Variants in SEMA5A observed in about 807,000 individuals in gnomAD.
The protein encoded by SEMA5A is semaphorin-5A.
Under a neutral mutation model 135.5 loss-of-function variants are expected in SEMA5A, and 55 were observed. The ratio of observed to expected loss-of-function variants is 0.41; its 90% CI spans 0.33 to 0.51. The LOEUF (loss-of-function observed/expected upper bound fraction) is 0.51. SEMA5A is among the 20% of genes least tolerant of loss of function. The pLI is 0.37. For synonymous variants in SEMA5A, 580 were observed against 546.5 expected, an observed-to-expected ratio of 1.06 and a Z score of -0.85; for missense variants, 1,290 against 1,419.9, an observed-to-expected ratio of 0.91 and a Z score of 1.47.
intron 5 of SEMA5A, among the ~76,000 whole-genome samples, chr5:9,276,341 T>C (rs1022212666): frequency 6.6e-6 from 1 of 152,164 alleles, no homozygotes; most frequent in Non-Finnish European, 1.5e-5. Flanking sequence ...CATTCCATGC[T>C]CATGGATAGG....
intron 5 of SEMA5A, among the ~76,000 whole-genome samples, chr5:9,248,812 C>T (rs895489742): frequency 6.6e-6 from 1 of 152,094 alleles, no homozygotes; most frequent in Admixed American, 6.6e-5. Context: ...AAATTATTTC[C>T]CCCAAACTTC....
At chr5:9,460,809 T>C (rs1299122132) in intron 1 of SEMA5A, among the ~76,000 whole-genome samples, 1 of 152,238 alleles carries the variant, frequency 6.6e-6, no homozygotes, top group African/African-American at 2.4e-5. Context: ...ATTAAAGCCA[T>C]GTATTCCCTT....
rs1742839227 is a variant in SEMA5A, at chr5:9,154,473, C to A, written c.1481+15G>T. The A allele has an allele frequency of 6.2e-7, 1 of 1,611,258 alleles. No individual in the cohort carries two copies. Among genetic ancestry groups the A allele is most frequent in the Non-Finnish European group, 8.5e-7 (1 of 1,179,392 alleles). On this transcript the variant is annotated intron_variant, in intron 12 of 22. Transcript: ENST00000382496. Reference sequence around the variant, plus strand: ...ACACACACACCAGTGCATCCTGACCCCGGAGATGCCCTACCTGCGTGTGCG... The same window carrying A: ...ACACACACACCAGTGCATCCTGACCACGGAGATGCCCTACCTGCGTGTGCG...
At chr5:9,166,337 A>G (rs1382820583) in intron 11 of SEMA5A, among the ~76,000 whole-genome samples, 4 of 152,002 alleles carry the variant, frequency 2.6e-5, no homozygotes, top group Non-Finnish European at 4.4e-5. Flanking sequence ...CCAGGCTCCC[A>G]CAATCACAGG....
At chr5:9,327,487 T>C (rs1192243186) in intron 4 of SEMA5A, among the ~76,000 whole-genome samples, 1 of 152,144 alleles carries the variant, frequency 6.6e-6, no homozygotes, top group Non-Finnish European at 1.5e-5. Context: ...AAGAACACAC[T>C]AAAACTGAGA....
chr5:9,044,331 A>G, intron 22 of SEMA5A, 42 bp downstream of exon 22: 1 of 1,536,086 alleles, frequency 6.5e-7, no homozygotes, highest in South Asian at 1.1e-5. Context: ...ACAAGTGTTA[A>G]GGAAAACCAG....
chr5:9,359,244 T>C (rs1179072476), intron 3 of SEMA5A, among the ~76,000 whole-genome samples: 1 of 152,196 alleles, frequency 6.6e-6, no homozygotes, highest in Admixed American at 6.5e-5. Context: ...ATAAGCACCA[T>C]GGGTTCATGG....
chr5:9,081,039 TGAA>T (rs1402778791), intron 16 of SEMA5A, among the ~76,000 whole-genome samples: 1 of 152,192 alleles, frequency 6.6e-6, no homozygotes, highest in African/African-American at 2.4e-5. Context: ...TTGCTGGCTT[TGAA>T]GAAGGAAGTT....
At chr5:9,256,472 T>C (rs1346745043) in intron 5 of SEMA5A, among the ~76,000 whole-genome samples, 1 of 152,172 alleles carries the variant, frequency 6.6e-6, no homozygotes. Flanking sequence ...CTCCTCAATA[T>C]TCAGATATTG....
intron 5 of SEMA5A, among the ~76,000 whole-genome samples, chr5:9,288,960 T>C (rs1339429505): frequency 6.6e-6 from 1 of 152,240 alleles, no homozygotes; most frequent in Non-Finnish European, 1.5e-5. Flanking sequence ...TTAAATTAAA[T>C]GCTTCTTTTG....
At chr5:9,322,890 T>C (rs553320215) in intron 4 of SEMA5A, among the ~76,000 whole-genome samples, 1 of 152,290 alleles carries the variant, frequency 6.6e-6, no homozygotes, top group South Asian at 2.1e-4. Context: ...ATTTCATAAC[T>C]TCACTGGTCA....
intron 1 of SEMA5A, among the ~76,000 whole-genome samples, chr5:9,486,432 A>G (rs1734729574): frequency 6.6e-6 from 1 of 152,212 alleles, no homozygotes; most frequent in Admixed American, 6.5e-5. Context: ...CCTGGAACCT[A>G]AAGTAAAATC....
chr5:9,220,463 CA>C (rs1032827973), intron 8 of SEMA5A, among the ~76,000 whole-genome samples: 7 of 147,082 alleles, frequency 4.8e-5, no homozygotes, highest in Non-Finnish European at 1.1e-4. Context: ...TAAGAAAAAA[CA>C]ACAAAAAAAC....
intron 12 of SEMA5A, among the ~76,000 whole-genome samples, chr5:9,137,616 C>T (rs967527784): frequency 6.6e-6 from 1 of 152,112 alleles, no homozygotes; most frequent in East Asian, 1.9e-4. Flanking sequence ...GAGACAATGC[C>T]AGCATGGAGG....
chr5:9,510,817 G>A (rs56326936), intron 1 of SEMA5A, among the ~76,000 whole-genome samples: 8,928 of 152,200 alleles, frequency 0.059, 352 homozygotes, highest in South Asian at 0.094. Flanking sequence ...TCTCAATAGA[G>A]AAATGTTTTA....
Position 9,352,095 on chromosome 5 carries a change from G to GGGGGC in SEMA5A, c.125-14284_125-14283insGCCCC, listed in dbSNP as rs1554023414. ...CAAATTCTAATGAATGTAACAGGTC[G>GGGGGC]GGGGGGTTACTTAAGAGTAGGGTAT... On this transcript the variant is annotated intron_variant, in intron 3 of 22. Transcript: ENST00000382496. 2.9e-4 allele frequency among the ~76,000 whole-genome samples: 3 copies of GGGGGC among 10,244 alleles called. 1 individual carries two copies. In the Non-Finnish European group the frequency reaches 5.5e-3, roughly 19 times the overall value. The allele number at this position is 10,244 out of a possible 152,430, so 6.7% of individuals were successfully genotyped here.
intron 12 of SEMA5A, among the ~76,000 whole-genome samples, chr5:9,140,131 G>T (rs1741984759): frequency 6.6e-6 from 1 of 152,188 alleles, no homozygotes; most frequent in African/African-American, 2.4e-5. Flanking sequence ...ATAACAGAGA[G>T]TGTGAGCATA....
chr5:9,405,692 A>C (rs1162298602), intron 2 of SEMA5A, among the ~76,000 whole-genome samples: 2 of 152,234 alleles, frequency 1.3e-5, no homozygotes, highest in Non-Finnish European at 2.9e-5. Flanking sequence ...GGTGGCCAGA[A>C]TGCTGGGTGC....
At chr5:9,509,729 T>C (rs898324727) in intron 1 of SEMA5A, among the ~76,000 whole-genome samples, 1 of 152,188 alleles carries the variant, frequency 6.6e-6, no homozygotes, top group Admixed American at 6.5e-5. Flanking sequence ...AAAGTTGAGT[T>C]TCTGAGTTAG....
Sources: gnomAD v4.1 joint callset for allele counts (sites outside exome capture counted in the v4.1 genomes callset) on GRCh38, gnomAD v4.1.1 for gene constraint, MANE v1.5 for transcripts, NCBI Gene and HGNC (gene_info 2026-07-23, HGNC 2026-07-21) for gene names.